The following INTS9 variants were observed in gnomAD, a reference collection of about 807,000 sequenced individuals.
INTS9 encodes integrator complex subunit 9, also known as protein related to CPSF subunits of 74 kDa.
Under a neutral mutation model 79.7 loss-of-function variants are expected in INTS9, and 55 were observed. The ratio of observed to expected loss-of-function variants is 0.69; its 90% confidence interval spans 0.56 to 0.86. The LOEUF is 0.86. Ranked by LOEUF, INTS9 falls within the 40% of genes least tolerant of loss-of-function variation. INTS9 has a pLI of 0.00. For missense variants in INTS9, 721 were observed against 831.5 expected (o/e 0.87, Z 1.64); for synonymous variants, 319 against 325.2 (o/e 0.98, Z 0.20).
At chr8:28,808,952 CTT>C (rs10712912) in intron 8 of INTS9, among the ~76,000 whole-genome samples, 3,083 of 144,624 alleles carry the variant, frequency 0.021, 51 homozygotes, top group Non-Finnish European at 0.032. Flanking sequence ...GCCATTATAA[CTT>C]TTTTTTTTTT....
intron 2 of INTS9, among the ~76,000 whole-genome samples, chr8:28,852,926 C>T (rs1807926378): frequency 6.6e-6 from 1 of 152,200 alleles, no homozygotes; most frequent in Non-Finnish European, 1.5e-5. Flanking sequence ...GCAAATACAT[C>T]ACCACATGGC....
chr8:28,882,840 G>C (rs1169001615), intron 1 of INTS9, among the ~76,000 whole-genome samples: 2 of 152,164 alleles, frequency 1.3e-5, no homozygotes, highest in African/African-American at 2.4e-5. Context: ...AAATCTTTGA[G>C]GCATTTCCTT....
Position 28,796,807 on chromosome 8 carries a change from C to G in INTS9, c.745-152G>C, listed in dbSNP as rs1343827791. On this transcript the variant is annotated intron_variant, in intron 8 of 16. Coordinates refer to ENST00000521022, the MANE Select transcript of INTS9 (RefSeq NM_018250.4). Reference sequence around the variant, plus strand: ...CTCTAAGGAATAGTCTGTCCTTAACCACTGGCTGCCTAAGTTGGGTGGGGA... The same window carrying G: ...CTCTAAGGAATAGTCTGTCCTTAACGACTGGCTGCCTAAGTTGGGTGGGGA... The G allele has an allele frequency of 1.3e-5, 8 of 592,922 alleles. No homozygotes were observed. In the South Asian group the frequency reaches 1.7e-4, roughly 12 times the overall value. 36.7% of individuals were successfully genotyped at this position (592,922 alleles called of 1,614,324 possible).
chr8:28,787,258 G>T (rs988068062), intron 11 of INTS9, among the ~76,000 whole-genome samples: 1 of 152,128 alleles, frequency 6.6e-6, no homozygotes, highest in African/African-American at 2.4e-5. Context: ...CCTTTTATTT[G>T]TTGAACTGAA....
chr8:28,824,048 C>G (rs573778753), intron 6 of INTS9, among the ~76,000 whole-genome samples: 2 of 152,160 alleles, frequency 1.3e-5, no homozygotes, highest in Non-Finnish European at 2.9e-5. Context: ...AATATTTATT[C>G]TATACATATT....
chr8:28,885,463 T>C (rs1332691317), intron 1 of INTS9, among the ~76,000 whole-genome samples: 4 of 152,174 alleles, frequency 2.6e-5, no homozygotes, highest in African/African-American at 9.7e-5. Flanking sequence ...AGGGGTCAAA[T>C]GTAATGGTTA....
chr8:28,799,873 T>C (rs564093182), intron 8 of INTS9, among the ~76,000 whole-genome samples: 3 of 152,214 alleles, frequency 2.0e-5, no homozygotes, highest in Admixed American at 1.3e-4. Flanking sequence ...CAGTAATACA[T>C]GGCTTTTTGG....
intron 1 of INTS9, chr8:28,862,356 A>G (rs1808506900): frequency 2.9e-6 from 1 of 347,956 alleles, no homozygotes; most frequent in African/African-American, 2.2e-5. Flanking sequence ...TGCTGCTTCA[A>G]CTCTTGATGA....
At chr8:28,794,322 T>C (rs913865528) in intron 9 of INTS9, among the ~76,000 whole-genome samples, 3 of 152,240 alleles carry the variant, frequency 2.0e-5, no homozygotes, top group African/African-American at 7.2e-5. Flanking sequence ...GATTTGTCTC[T>C]GTTCAGTCTC....
chr8:28,876,860 A>C (rs1327884284), intron 1 of INTS9, among the ~76,000 whole-genome samples: 1 of 152,162 alleles, frequency 6.6e-6, no homozygotes, highest in African/African-American at 2.4e-5. Context: ...AAAAAGATAA[A>C]GTATTTAGAT....
intron 8 of INTS9, 111 bp downstream of exon 8, chr8:28,812,216 T>C (rs577843759): frequency 1.6e-5 from 18 of 1,118,810 alleles, no homozygotes; most frequent in Admixed American, 2.0e-5. Flanking sequence ...AGAGTATCTG[T>C]AGAAAACCAT....
chr8:28,880,101 A>G (rs1809620672), intron 1 of INTS9, among the ~76,000 whole-genome samples: 1 of 151,896 alleles, frequency 6.6e-6, no homozygotes, highest in East Asian at 1.9e-4. Context: ...TTTACATATT[A>G]AAACTACTGC....
At chr8:28,816,746 T>TTCCAC (rs1428526918) in intron 6 of INTS9, among the ~76,000 whole-genome samples, 1 of 146,242 alleles carries the variant, frequency 6.8e-6, no homozygotes, top group Non-Finnish European at 1.5e-5. Flanking sequence ...TCCACAATGG[T>TTCCAC]TGAACTAGTT....
intron 11 of INTS9, chr8:28,783,604 C>G (rs1174783866): frequency 6.6e-6 from 1 of 152,224 alleles, no homozygotes; most frequent in Non-Finnish European, 1.5e-5. Flanking sequence ...AAGCCAAACT[C>G]TCTTCACCTT....
intron 10 of INTS9, among the ~76,000 whole-genome samples, chr8:28,792,746 C>T (rs1803986704): frequency 2.0e-5 from 3 of 151,996 alleles, no homozygotes; most frequent in African/African-American, 7.3e-5. Context: ...AACCCTGTCT[C>T]TACTAAGAAT....
intron 1 of INTS9, among the ~76,000 whole-genome samples, chr8:28,871,299 G>A (rs1440684578): frequency 1.3e-5 from 2 of 152,160 alleles, no homozygotes; most frequent in South Asian, 4.1e-4. Flanking sequence ...TTGATTTTCA[G>A]TTTACCTTGG....
intron 6 of INTS9, among the ~76,000 whole-genome samples, chr8:28,827,815 A>T (rs1049177541): frequency 6.6e-6 from 1 of 152,182 alleles, no homozygotes; most frequent in East Asian, 1.9e-4. Context: ...TTTCTTATCC[A>T]TAATTTGAGG....
intron 6 of INTS9, among the ~76,000 whole-genome samples, chr8:28,824,648 T>C (rs1212428743): frequency 3.3e-5 from 5 of 152,226 alleles, no homozygotes; most frequent in Admixed American, 3.3e-4. Context: ...AAGCCCACTT[T>C]GGACTGAGGC....
chr8:28,838,827 A>C (rs1806983390), intron 4 of INTS9, among the ~76,000 whole-genome samples: 1 of 151,954 alleles, frequency 6.6e-6, no homozygotes. Flanking sequence ...CTGTCTGTGT[A>C]ACTCTTATGA....
Sources: gnomAD v4.1 joint callset for allele counts (sites outside exome capture counted in the v4.1 genomes callset) on GRCh38, gnomAD v4.1.1 for gene constraint, MANE v1.5 for transcripts, NCBI Gene and HGNC (gene_info 2026-07-23, HGNC 2026-07-21) for gene names.